The following NAP1L4 variants were observed in gnomAD, a reference collection of about 807,000 sequenced individuals.
NAP1L4 encodes nucleosome assembly protein 1-like 4.
Under a neutral mutation model 58.2 loss-of-function variants are expected in NAP1L4, and 15 were observed. The observed-to-expected ratio is 0.26, with a 90% confidence interval of 0.17 to 0.40. The LOEUF (loss-of-function observed/expected upper bound fraction) is 0.40, where lower values mean the gene tolerates loss of function less well. Ranked by LOEUF, NAP1L4 falls within the 10% of genes least tolerant of loss-of-function variation. The pLI is 1.00. For missense variants in NAP1L4, 384 were observed against 451.1 expected, an observed-to-expected ratio of 0.85 and a Z score of 1.35; for synonymous variants, 171 against 155.6, an observed-to-expected ratio of 1.10 and a Z score of -0.74.
rs191946473 is a variant in NAP1L4, at chr11:2,958,537, T to G, written c.754A>C (p.Ile252Leu). The G allele has an allele frequency of 8.7e-6, 14 of 1,613,536 alleles. No homozygotes were observed. Among genetic ancestry groups the G allele is most frequent in the Non-Finnish European group, 1.1e-5 (13 of 1,179,866 alleles). ...PEIVDCDGCT[I>L]DWKKGKNVTV... ...ACATTCTTTCCTTTCTTCCAGTCAA[T>G]AGTACACCTACCAGGACAAGACAGC... Residue 252 changes from isoleucine (I) to leucine (L), a missense_variant, in exon 10 of 16, where the codon ATT becomes CTT. Physicochemically the swap from Ile to Leu is conservative, Grantham distance 5 (BLOSUM62 2). Coordinates refer to ENST00000380542, the MANE Select transcript of NAP1L4 (RefSeq NM_005969.4).
chr11:2,976,044 G>T lies in NAP1L4; in HGVS notation c.153C>A (p.Thr51=), dbSNP rs1847933950. ...CTTACGTTTCGATGTAGCTGGAAGG[G>T]GTGTGAGGGACATTGTCAAGTCGCT... ...LQERLDNVPH[T]PSSYIETLPK... The change falls in exon 4 of 16, where the codon ACC becomes ACA. Residue 51 remains threonine (T), a synonymous_variant. Coordinates refer to ENST00000380542, the MANE Select transcript of NAP1L4 (RefSeq NM_005969.4). 6.2e-7 allele frequency: 1 copy of T among 1,613,874 alleles called. No homozygotes were observed. The highest frequency in any genetic ancestry group is 2.2e-5 in the East Asian group (1 of 44,876).
At chr11:2,976,970 G>A (rs559613759) in intron 3 of NAP1L4, among the ~76,000 whole-genome samples, 6 of 152,236 alleles carry the variant, frequency 3.9e-5, no homozygotes, top group African/African-American at 9.6e-5. Flanking sequence ...CTCCCATCCC[G>A]AGTATTCTCC....
chr11:2,958,370 T>C (rs1331530757), intron 10 of NAP1L4, 29 bp downstream of exon 10: 1 of 1,611,088 alleles, frequency 6.2e-7, no homozygotes, highest in Admixed American at 1.7e-5. Context: ...TATAAGAACA[T>C]AATGAATATT....
intron 4 of NAP1L4, among the ~76,000 whole-genome samples, chr11:2,972,719 C>G (rs1479253042): frequency 6.6e-6 from 1 of 152,210 alleles, no homozygotes; most frequent in Admixed American, 6.5e-5. Flanking sequence ...TGCCTGTAAT[C>G]CCACCACTCT....
rs988497274 is a variant in NAP1L4 at position 2,955,549 on chromosome 11, G to A, written c.915+195C>T. ...TAATTTTTTGTGGAGATGGGGTTGTGCTATGTTGCCCAGGCTGGTCTCAAA... is the reference window on the plus strand; with the variant it reads ...TAATTTTTTGTGGAGATGGGGTTGTACTATGTTGCCCAGGCTGGTCTCAAA... On this transcript the variant is annotated intron_variant, in intron 11 of 15. Coordinates refer to ENST00000380542, the MANE Select transcript of NAP1L4 (RefSeq NM_005969.4). The surrounding 1 kb of genome is among the most constrained non-coding windows in gnomAD (Gnocchi z 4.2). Among the ~76,000 whole-genome samples, 1 of 151,896 alleles carries A rather than the reference G, an allele frequency of 6.6e-6. No homozygotes were observed. Among genetic ancestry groups the A allele is most frequent in the East Asian group, 1.9e-4 (1 of 5,176 alleles).
chr11:2,960,029 G>T, intron 8 of NAP1L4, 120 bp from the exon 9 acceptor site: 1 of 1,042,346 alleles, frequency 9.6e-7, no homozygotes. Flanking sequence ...ATAGGGCCAT[G>T]AACAAGAAAA....
At position 2,945,535 on chromosome 11, in the gene NAP1L4, C is replaced by T. The variant is rs1392687994; in HGVS notation, c.*144G>A. 2 of 1,313,076 alleles carry T rather than the reference C, an allele frequency of 1.5e-6. No individual in the cohort carries two copies. Among genetic ancestry groups the T allele is most frequent in the South Asian group, 1.3e-5 (1 of 77,790 alleles). The allele number at this position is 1,313,076 out of a possible 1,614,324, so 81.3% of individuals were successfully genotyped here. ...AAGCTCTGTCCACGGGATTGTGCTGCGGCAAGGACCGAGGCCCCGCCCACA... is the reference window on the plus strand; with the variant it reads ...AAGCTCTGTCCACGGGATTGTGCTGTGGCAAGGACCGAGGCCCCGCCCACA... On this transcript the variant is annotated 3_prime_UTR_variant, in exon 16 of 16. Transcript: ENST00000380542.
At chr11:2,975,173 C>T (rs1044689049) in intron 4 of NAP1L4, among the ~76,000 whole-genome samples, 10 of 144,274 alleles carry the variant, frequency 6.9e-5, no homozygotes, top group Middle Eastern at 3.6e-3. Context: ...AAAAAAATTG[C>T]CATGCATGGT....
Position 2,954,503 on chromosome 11 carries a change from G to A in NAP1L4, c.1035+24C>T. The A allele has an allele frequency of 6.2e-7, 1 of 1,613,054 alleles. No homozygotes were observed. The highest frequency in any genetic ancestry group is 2.2e-5 in the East Asian group (1 of 44,846). Reference sequence around the variant, plus strand: ...AACAGAGATAAGCACCCAGGTGGAAGCCCCCCTTCCCCGAGCCTCATACAT... The same window carrying A: ...AACAGAGATAAGCACCCAGGTGGAAACCCCCCTTCCCCGAGCCTCATACAT... On this transcript the variant is annotated intron_variant, in intron 12 of 15. Transcript: ENST00000380542. This position sits in a 1 kb window ranked among gnomAD's most constrained non-coding sequence, Gnocchi z 4.8.
At chr11:2,964,798 A>G (rs764757725) in intron 7 of NAP1L4, 47 bp from the exon 8 acceptor site, 38 of 1,400,502 alleles carry the variant, frequency 2.7e-5, no homozygotes, top group Non-Finnish European at 3.3e-5. Context: ...TAAAAAAACA[A>G]CACATCTCTC....
chr11:2,969,355 GAT>G (rs759173473), intron 7 of NAP1L4, among the ~76,000 whole-genome samples: 5 of 150,272 alleles, frequency 3.3e-5, no homozygotes, highest in African/African-American at 5.0e-5. Flanking sequence ...AATTCACTGA[GAT>G]GTGTGTGTAC....
At chr11:2,990,586 T>C (rs1848902323) in intron 1 of NAP1L4, 1 of 152,306 alleles carries the variant, frequency 6.6e-6, no homozygotes, top group Non-Finnish European at 1.5e-5. Flanking sequence ...AGAGTTCAGT[T>C]AAGCTTAGCA....
Position 2,945,576 on chromosome 11 carries a change from C to A in NAP1L4, c.*103G>T, listed in dbSNP as rs763769879. On this transcript the variant is annotated 3_prime_UTR_variant, in exon 16 of 16. Coordinates refer to ENST00000380542, the MANE Select transcript of NAP1L4 (RefSeq NM_005969.4). Reference sequence around the variant, plus strand: ...CCCGCCCACAGGCCTGGAGTCCCGACAGCCGGTCTGCCAGGCACCCGCCTC... The same window carrying A: ...CCCGCCCACAGGCCTGGAGTCCCGAAAGCCGGTCTGCCAGGCACCCGCCTC... The A allele has an allele frequency of 3.3e-6, 5 of 1,534,612 alleles. No individual in the cohort carries two copies. The highest frequency in any genetic ancestry group is 4.4e-6 in the Non-Finnish European group (5 of 1,145,806).
intron 1 of NAP1L4, chr11:2,992,035 C>CGCCCCAGGCCCGG (rs1356885350): frequency 1.3e-5 from 2 of 152,210 alleles, no homozygotes; most frequent in African/African-American, 4.8e-5. Context: ...CTCCCGCCAG[C>CGCCCCAGGCCCGG]GCCCCAGGCC....
intron 1 of NAP1L4, among the ~76,000 whole-genome samples, chr11:2,988,451 A>C (rs1412157904): frequency 6.6e-6 from 1 of 152,238 alleles, no homozygotes; most frequent in East Asian, 1.9e-4. Flanking sequence ...AAACAAGGAC[A>C]AAGACTTCTG....
chr11:2,959,967 T>C lies in NAP1L4; in HGVS notation c.607-58A>G, dbSNP rs768730211. ...AAAATAGAAAAATAACGAGGACAGATTGCTTGGAGTACACAACACTTACTA... is the reference window on the plus strand; with the variant it reads ...AAAATAGAAAAATAACGAGGACAGACTGCTTGGAGTACACAACACTTACTA... On this transcript the variant is annotated intron_variant, in intron 8 of 15. Transcript: ENST00000380542. This position sits in a 1 kb window ranked among gnomAD's most constrained non-coding sequence, Gnocchi z 4.9. 43 of 1,560,246 alleles carry C rather than the reference T, an allele frequency of 2.8e-5. No homozygotes were observed. The highest frequency in any genetic ancestry group is 5.3e-5 in the Admixed American group (3 of 56,940).
In NAP1L4 at chr11:2,948,862, AGCCCAGTGTGTTAT is replaced by A. The variant is rs1258701541; in HGVS notation, c.*32+351_*32+364del. Among the ~76,000 whole-genome samples, 1 of 152,242 alleles carries A rather than the reference AGCCCAGTGTGTTAT, an allele frequency of 6.6e-6. No individual in the cohort carries two copies. Among genetic ancestry groups the A allele is most frequent in the Non-Finnish European group, 1.5e-5 (1 of 68,042 alleles). ...TGTGTGTTCTGAGCACAGCTGGGAC[AGCCCAGTGTGTTAT>A]GCTCTCTGCAAGGACTGCTTGCTTA... On this transcript the variant is annotated intron_variant, in intron 15 of 15. Coordinates refer to ENST00000380542, the MANE Select transcript of NAP1L4 (RefSeq NM_005969.4). This position sits in a 1 kb window ranked among gnomAD's most constrained non-coding sequence, Gnocchi z 5.1.
At chr11:2,968,949 A>C (rs1429733060) in intron 7 of NAP1L4, among the ~76,000 whole-genome samples, 2 of 149,184 alleles carry the variant, frequency 1.3e-5, no homozygotes, top group Non-Finnish European at 3.0e-5. Context: ...TCAAGGCAAG[A>C]CAAAATCAGA....
rs1846743945 is a variant in NAP1L4, at chr11:2,959,717, AATT to A, written c.746+50_746+52del. 16 of 1,603,788 alleles carry A rather than the reference AATT, an allele frequency of 1.0e-5. No homozygotes were observed. The highest frequency in any genetic ancestry group is 1.4e-5 in the Non-Finnish European group (16 of 1,174,302). On this transcript the variant is annotated intron_variant, in intron 9 of 15. Coordinates refer to ENST00000380542, the MANE Select transcript of NAP1L4 (RefSeq NM_005969.4). The surrounding 1 kb of genome is among the most constrained non-coding windows in gnomAD (Gnocchi z 4.9). ...TTCTATCTTACCCATCAAGTTACAA[AATT>A]ATCTTTTGATTTTGTTTCAGAAAAA... is the stretch of plus-strand genomic sequence containing the variant.
Sources: gnomAD v4.1 joint callset for allele counts (sites outside exome capture counted in the v4.1 genomes callset) on GRCh38, gnomAD v4.1.1 for gene constraint, Gnocchi (gnomAD v3.1) non-coding constraint, MANE v1.5 for transcripts, NCBI Gene and HGNC (gene_info 2026-07-23, HGNC 2026-07-21) for gene names.